The following RSPO3 variants were observed in gnomAD, a reference collection of about 807,000 sequenced individuals.
RSPO3 encodes R-spondin-3.
Under a neutral mutation model 36.5 loss-of-function variants are expected in RSPO3, and 17 were observed. That is an observed-to-expected ratio of 0.47 (90% CI 0.32 to 0.70). The LOEUF (loss-of-function observed/expected upper bound fraction) is 0.70, where lower values mean the gene tolerates loss of function less well. Among genes scored for constraint, RSPO3 ranks in the 30% least tolerant of loss-of-function variants. The pLI is 0.04. For missense variants in RSPO3, 294 were observed against 322.5 expected, an observed-to-expected ratio of 0.91 and a Z score of 0.68; for synonymous variants, 108 against 107.0, an observed-to-expected ratio of 1.01 and a Z score of -0.06.
Position 127,196,671 on chromosome 6 carries a change from T to C in RSPO3, c.*664T>C, listed in dbSNP as rs1451476954. ...AAATCATAGAGCTGGAGACTACTTT[T>C]GTGCTTTACAAAACTGTGAAGGATT... is the stretch of plus-strand genomic sequence containing the variant. On this transcript the variant is annotated 3_prime_UTR_variant, in exon 5 of 5. Coordinates refer to ENST00000356698, the MANE Select transcript of RSPO3 (RefSeq NM_032784.5). The C allele has an allele frequency of 6.6e-6, 1 of 152,278 alleles. No individual in the cohort carries two copies. Among genetic ancestry groups the C allele is most frequent in the Non-Finnish European group, 1.5e-5 (1 of 68,080 alleles). The allele number at this position is 152,278 out of a possible 1,614,324, so 9.4% of individuals were successfully genotyped here. A position where few individuals can be genotyped will look rare whatever the true frequency, so the allele number is the denominator to read the frequency against.
chr6:127,131,657 T>C (rs1296674614), intron 1 of RSPO3, among the ~76,000 whole-genome samples: 2 of 151,946 alleles, frequency 1.3e-5, no homozygotes, highest in African/African-American at 4.8e-5. Flanking sequence ...AAAGAAAAAA[T>C]AAAGACACAG....
At position 127,155,097 on chromosome 6, in the gene RSPO3, TA is replaced by T. The variant is rs1321540449; in HGVS notation, c.437-143del. 1.2e-5 allele frequency: 9 copies of T among 747,084 alleles called. No individual in the cohort carries two copies. In the African/African-American group the frequency reaches 1.6e-4, roughly 13 times the overall value. The allele number at this position is 747,084 out of a possible 1,614,324, so 46.3% of individuals were successfully genotyped here. ...CTGCCTTTCCCATTCTCCTGTTTTA[TA>T]TTTAAGTCATCTTGCCCGACTTTGA... On this transcript the variant is annotated intron_variant, in intron 3 of 4. Coordinates refer to ENST00000356698, the MANE Select transcript of RSPO3 (RefSeq NM_032784.5).
At chr6:127,164,787 T>C (rs941902226) in intron 4 of RSPO3, among the ~76,000 whole-genome samples, 2 of 152,056 alleles carry the variant, frequency 1.3e-5, no homozygotes, top group African/African-American at 4.8e-5. Context: ...ATATTGTGTA[T>C]ACACCACCAG....
intron 4 of RSPO3, among the ~76,000 whole-genome samples, chr6:127,168,700 T>C (rs1774875381): frequency 6.6e-6 from 1 of 152,050 alleles, no homozygotes; most frequent in Admixed American, 6.6e-5. Context: ...TGGTATTGCC[T>C]AGGTTTTCTT....
At chr6:127,184,207 C>G (rs987749794) in intron 4 of RSPO3, among the ~76,000 whole-genome samples, 9 of 151,764 alleles carry the variant, frequency 5.9e-5, no homozygotes, top group African/African-American at 2.2e-4. Flanking sequence ...AATAATCAGT[C>G]CTGTGAATTG....
chr6:127,119,675 C>A (rs902295039), intron 1 of RSPO3, among the ~76,000 whole-genome samples: 1 of 152,242 alleles, frequency 6.6e-6, no homozygotes, highest in African/African-American at 2.4e-5. Flanking sequence ...TGCCTCTGAC[C>A]GCTGAGTAAA....
At chr6:127,163,615 T>C (rs1774753386) in intron 4 of RSPO3, among the ~76,000 whole-genome samples, 2 of 152,140 alleles carry the variant, frequency 1.3e-5, no homozygotes, top group South Asian at 2.1e-4. Flanking sequence ...GTTCCTTACC[T>C]TTCATTTAAA....
chr6:127,150,172 T>C (rs1774462494), intron 2 of RSPO3, among the ~76,000 whole-genome samples: 1 of 151,434 alleles, frequency 6.6e-6, no homozygotes, highest in Admixed American at 6.6e-5. Flanking sequence ...TGGAGATATA[T>C]ATATATATAT....
At chr6:127,167,848 A>G (rs1475577288) in intron 4 of RSPO3, among the ~76,000 whole-genome samples, 1 of 151,816 alleles carries the variant, frequency 6.6e-6, no homozygotes, top group Non-Finnish European at 1.5e-5. Flanking sequence ...CCTATGAGTG[A>G]GAACATGCGG....
intron 1 of RSPO3, among the ~76,000 whole-genome samples, chr6:127,141,126 C>G (rs1162897899): frequency 1.3e-5 from 2 of 152,204 alleles, no homozygotes; most frequent in African/African-American, 4.8e-5. Context: ...TCCTGCCTTT[C>G]CTGCATCACA....
At chr6:127,144,640 C>CTTTTTTTTTTTTTT (rs140423963) in intron 1 of RSPO3, among the ~76,000 whole-genome samples, 8 of 61,322 alleles carry the variant, frequency 1.3e-4, no homozygotes, top group African/African-American at 2.0e-4. Context: ...GTAGCTTCCC[C>CTTTTTTTTTTTTTT]TTGTTTTTTT....
chr6:127,167,814 A>G (rs556420202), intron 4 of RSPO3, among the ~76,000 whole-genome samples: 95 of 151,578 alleles, frequency 6.3e-4, no homozygotes, highest in African/African-American at 2.2e-3. Flanking sequence ...CCAGTGTCCA[A>G]GTGTTCTCAT....
At chr6:127,180,487 C>CAAAAAAAAAAAAAAAA (rs71543112) in intron 4 of RSPO3, among the ~76,000 whole-genome samples, 2 of 42,644 alleles carry the variant, frequency 4.7e-5, no homozygotes, top group Admixed American at 3.6e-4. Flanking sequence ...TGGAAGAAAA[C>CAAAAAAAAAAAAAAAA]AAAAAAAAAA....
intron 4 of RSPO3, among the ~76,000 whole-genome samples, chr6:127,183,970 C>G (rs919519659): frequency 5.9e-5 from 9 of 151,710 alleles, no homozygotes; most frequent in African/African-American, 2.2e-4. Context: ...CTTCATATGG[C>G]GGAAGGAAGA....
chr6:127,133,380 C>T (rs993078870), intron 1 of RSPO3, among the ~76,000 whole-genome samples: 2 of 152,054 alleles, frequency 1.3e-5, no homozygotes, highest in African/African-American at 4.8e-5. Flanking sequence ...CTTGATTTGA[C>T]TGTAGTGAGA....
chr6:127,191,750 T>C (rs1232523445), intron 4 of RSPO3, among the ~76,000 whole-genome samples: 3 of 152,188 alleles, frequency 2.0e-5, no homozygotes, highest in African/African-American at 4.8e-5. Context: ...CATGTAAGAA[T>C]AGCCTATTGG....
Position 127,150,499 on chromosome 6 carries a change from C to T in RSPO3, c.363C>T (p.His121=), listed in dbSNP as rs951816963. ...AATGTAAAAGTGGATTTTACTTACA[C>T]CTTGGAAAGTGCCTTGACAATTGCC... ...CTKCKSGFYL[H]LGKCLDNCPE... is the part of the protein sequence containing the mutation. Residue 121 remains histidine, a synonymous_variant, in exon 3 of 5, where the codon CAC becomes CAT. Transcript: ENST00000356698. 1.9e-6 allele frequency: 3 copies of T among 1,612,474 alleles called. No individual in the cohort carries two copies. The highest frequency in any genetic ancestry group is 2.5e-6 in the Non-Finnish European group (3 of 1,179,098).
chr6:127,193,743 A>G (rs1025271777), intron 4 of RSPO3, among the ~76,000 whole-genome samples: 3 of 152,178 alleles, frequency 2.0e-5, no homozygotes, highest in Admixed American at 6.5e-5. Context: ...CTGTTTGGTT[A>G]TTATATTCAA....
At chr6:127,138,652 A>G (rs1296623873) in intron 1 of RSPO3, among the ~76,000 whole-genome samples, 2 of 152,100 alleles carry the variant, frequency 1.3e-5, no homozygotes, top group Non-Finnish European at 2.9e-5. Flanking sequence ...TCTCAAATAC[A>G]TATCAAGCAG....
Sources: gnomAD v4.1 joint callset for allele counts (sites outside exome capture counted in the v4.1 genomes callset) on GRCh38, gnomAD v4.1.1 for gene constraint, MANE v1.5 for transcripts, NCBI Gene and HGNC (gene_info 2026-07-23, HGNC 2026-07-21) for gene names.